Variants in NAALADL2 observed in about 807,000 individuals in gnomAD.
NAALADL2 encodes N-acetylated alpha-linked acidic dipeptidase like 2.
NAALADL2 carries 76 observed loss-of-function variants against 87.2 expected under a neutral mutation model. The observed-to-expected ratio is 0.87, with a 90% confidence interval of 0.72 to 1.05. The LOEUF is 1.05. NAALADL2 is among the 50% of genes least tolerant of loss of function. The probability of loss-of-function intolerance (pLI) is 0.00; values close to 1 mark genes in which losing one functional copy is unlikely to be tolerated. For missense variants in NAALADL2, 1,089 were observed against 945.8 expected, an observed-to-expected ratio of 1.15 and a Z score of -1.99; for synonymous variants, 354 against 331.0, an observed-to-expected ratio of 1.07 and a Z score of -0.75.
intron 3 of NAALADL2, among the ~76,000 whole-genome samples, chr3:174,816,486 C>CAT (rs1158444400): frequency 1.4e-5 from 2 of 139,698 alleles, no homozygotes; most frequent in African/African-American, 2.8e-5. Flanking sequence ...TAAATACACG[C>CAT]ATATATATAC....
intron 2 of NAALADL2, among the ~76,000 whole-genome samples, chr3:174,722,630 G>C (rs961532712): frequency 6.6e-6 from 1 of 152,112 alleles, no homozygotes; most frequent in Non-Finnish European, 1.5e-5. Flanking sequence ...TGAACTCAGA[G>C]GGCGGAGGTT....
At chr3:175,542,720 G>A (rs1025232650) in intron 9 of NAALADL2, among the ~76,000 whole-genome samples, 2 of 152,114 alleles carry the variant, frequency 1.3e-5, no homozygotes, top group African/African-American at 4.8e-5. Context: ...GGAGCCAACT[G>A]TAATTATTGA....
chr3:175,427,139 G>A lies in NAALADL2; in HGVS notation c.1091-20090G>A, dbSNP rs78785804. Among the ~76,000 whole-genome samples the A allele has an allele frequency of 1.1e-3, 168 of 152,228 alleles. 4 individuals are homozygous for A. The East Asian group carries it at 0.031, about 29-fold the overall frequency. ...TTAGGTTATTTCTTGAATATATGCT[G>A]TTCTTTAGTTACTTTTTAGGACTTA... On this transcript the variant is annotated intron_variant, in intron 5 of 13. Coordinates refer to ENST00000454872, the MANE Select transcript of NAALADL2 (RefSeq NM_207015.3).
chr3:175,011,280 C>CAGAGAGAGAGAGAGAGAGAGAGAGAGAG (rs139229550), intron 1 of NAALADL2, among the ~76,000 whole-genome samples: 1 of 113,474 alleles, frequency 8.8e-6, no homozygotes, highest in Non-Finnish European at 1.7e-5. Context: ...GACAGAGAGA[C>CAGAGAGAGAGAGAGAGAGAGAGAGAGAG]AGAGAGAGAG....
chr3:174,837,467 C>A (rs1348519729), intron 3 of NAALADL2, among the ~76,000 whole-genome samples: 2 of 152,106 alleles, frequency 1.3e-5, no homozygotes, highest in African/African-American at 2.4e-5. Context: ...CCTGAATAGA[C>A]CAGTAACAAG....
intron 9 of NAALADL2, among the ~76,000 whole-genome samples, chr3:175,493,709 A>G (rs528595842): frequency 4.6e-5 from 7 of 152,162 alleles, no homozygotes; most frequent in Non-Finnish European, 1.0e-4. Flanking sequence ...CGATGTCTAT[A>G]ATAGTCACCG....
intron 1 of NAALADL2, among the ~76,000 whole-genome samples, chr3:174,894,473 G>A (rs1049604705): frequency 1.3e-5 from 2 of 151,252 alleles, no homozygotes; most frequent in Non-Finnish European, 3.0e-5. Context: ...GCACACCTGT[G>A]GTCCCAGACA....
chr3:174,835,666 A>G (rs1313927950), intron 3 of NAALADL2, among the ~76,000 whole-genome samples: 1 of 152,138 alleles, frequency 6.6e-6, no homozygotes, highest in East Asian at 1.9e-4. Context: ...AGAAAACTAA[A>G]CAATCTGATT....
intron 4 of NAALADL2, among the ~76,000 whole-genome samples, chr3:175,279,007 G>A (rs62285949): frequency 0.18 from 27,760 of 152,052 alleles, 3,206 homozygotes; most frequent in Non-Finnish European, 0.26. Context: ...GTGAGCATAC[G>A]GTTTTTTCTC....
chr3:174,997,583 G>C (rs1747674317), intron 1 of NAALADL2, among the ~76,000 whole-genome samples: 1 of 152,138 alleles, frequency 6.6e-6, no homozygotes, highest in Non-Finnish European at 1.5e-5. Flanking sequence ...CTAGCACTTT[G>C]GGAGGCCAAG....
chr3:174,607,763 A>T (rs1553797544), intron 2 of NAALADL2, among the ~76,000 whole-genome samples: 1 of 152,174 alleles, frequency 6.6e-6, no homozygotes, highest in Non-Finnish European at 1.5e-5. Flanking sequence ...TCAACGAGAC[A>T]GAAAGTTAAC....
Position 175,242,150 on chromosome 3 carries a change from G to A in NAALADL2, c.819+7946G>A, listed in dbSNP as rs138617469. Among the ~76,000 whole-genome samples, 497 of 152,066 alleles carry A rather than the reference G, an allele frequency of 3.3e-3. 3 individuals are homozygous for A. Among genetic ancestry groups the A allele is most frequent in the African/African-American group, 0.011 (475 of 41,500 alleles). The stretch of plus-strand genomic sequence containing the variant: ...GCTGGGATTACAGGCATGAGCCACC[G>A]CGCCCGGCCCTGGATGCAGATTTTT... On this transcript the variant is annotated intron_variant, in intron 3 of 13. Coordinates refer to ENST00000454872, the MANE Select transcript of NAALADL2 (RefSeq NM_207015.3).
intron 13 of NAALADL2, chr3:175,773,789 G>A (rs1749835630): frequency 6.6e-6 from 1 of 151,994 alleles, no homozygotes; most frequent in African/African-American, 2.4e-5. Flanking sequence ...AAAAAATATG[G>A]CAGTAAACAC....
At chr3:174,678,554 A>G (rs1400236549) in intron 2 of NAALADL2, among the ~76,000 whole-genome samples, 2 of 152,060 alleles carry the variant, frequency 1.3e-5, no homozygotes, top group African/African-American at 2.4e-5. Context: ...TTCTTCATTT[A>G]TGCCATTTGA....
chr3:175,431,278 T>C (rs1392322699), intron 5 of NAALADL2, among the ~76,000 whole-genome samples: 1 of 152,086 alleles, frequency 6.6e-6, no homozygotes, highest in Non-Finnish European at 1.5e-5. Flanking sequence ...ATGTCAATTT[T>C]CTTTCCTCAT....
At chr3:175,122,173 A>G (rs9838393) in intron 2 of NAALADL2, among the ~76,000 whole-genome samples, 94,201 of 151,176 alleles carry the variant, frequency 0.62, 30,282 homozygotes, top group African/African-American at 0.8. Flanking sequence ...CTATGCTGAT[A>G]TAAACTTTTG....
At chr3:175,697,446 T>C (rs1445819176) in intron 11 of NAALADL2, among the ~76,000 whole-genome samples, 1 of 139,308 alleles carries the variant, frequency 7.2e-6, no homozygotes. Context: ...ACCCTACTTA[T>C]GAGGGTGTAT....
chr3:175,780,149 A>C (rs897332150), intron 13 of NAALADL2, among the ~76,000 whole-genome samples: 2 of 151,210 alleles, frequency 1.3e-5, no homozygotes, highest in Non-Finnish European at 2.9e-5. Flanking sequence ...GGTGGTGGGC[A>C]CCTGTAGTCC....
chr3:175,803,266 C>A lies in NAALADL2; in HGVS notation c.*63C>A. 1 of 1,269,268 alleles carries A rather than the reference C, an allele frequency of 7.9e-7. No homozygotes were observed. The highest frequency in any genetic ancestry group is 1.1e-6 in the Non-Finnish European group (1 of 924,066). The allele number at this position is 1,269,268 out of a possible 1,614,324, so 78.6% of individuals were successfully genotyped here. ...CCACAAGCAAAAGCTCTAATTTAACCAGATTTTCTGACATTGAAGGCTTAT... is the reference window on the plus strand; with the variant it reads ...CCACAAGCAAAAGCTCTAATTTAACAAGATTTTCTGACATTGAAGGCTTAT... On this transcript the variant is annotated 3_prime_UTR_variant, in exon 14 of 14. Transcript: ENST00000454872.
Sources: allele counts gnomAD v4.1 joint callset (sites outside exome capture counted in the v4.1 genomes callset), GRCh38; gene constraint gnomAD v4.1.1; transcripts MANE v1.5; gene names NCBI Gene and HGNC (gene_info 2026-07-23, HGNC 2026-07-21).